Variants in TRIM2 observed in about 807,000 individuals in gnomAD.
TRIM2 encodes the protein tripartite motif-containing protein 2.
A neutral mutation model predicts 75.2 loss-of-function variants in TRIM2; 20 were observed. The observed-to-expected ratio is 0.27, with a 90% CI of 0.19 to 0.39. TRIM2 has a LOEUF of 0.39. Ranked by LOEUF, TRIM2 falls within the 10% of genes least tolerant of loss-of-function variation. TRIM2 has a pLI of 1.00. For missense variants in TRIM2, 660 were observed against 990.8 expected (o/e 0.67, Z 4.48); for synonymous variants, 373 against 388.3 (o/e 0.96, Z 0.46).
intron 8 of TRIM2, among the ~76,000 whole-genome samples, chr4:153,316,545 C>A (rs1363476872): frequency 6.6e-6 from 1 of 152,026 alleles, no homozygotes; most frequent in Non-Finnish European, 1.5e-5. Flanking sequence ...TTGATACAAT[C>A]TGAAAACATA....
chr4:153,238,745 T>C (rs140644342), intron 1 of TRIM2, among the ~76,000 whole-genome samples: 3 of 152,296 alleles, frequency 2.0e-5, no homozygotes, highest in Middle Eastern at 3.4e-3. Context: ...TGTGCTTAAA[T>C]GTCCTGTGAT....
At chr4:153,222,846 GGCGGCT>G (rs1263738529) in intron 1 of TRIM2, 1 of 153,088 alleles carries the variant, frequency 6.5e-6, no homozygotes, top group African/African-American at 2.4e-5. Flanking sequence ...GCTGCAGAAG[GGCGGCT>G]GCGGGGGAGG....
chr4:153,260,690 ACC>A (rs58510660), intron 1 of TRIM2, among the ~76,000 whole-genome samples: 2,219 of 34,510 alleles, frequency 0.064, 121 homozygotes, highest in African/African-American at 0.16. Context: ...CCACACACCC[ACC>A]CCCCCCCCCA....
chr4:153,176,613 T>TTTTTA (rs70949645), intron 1 of TRIM2, among the ~76,000 whole-genome samples: 55,446 of 151,326 alleles, frequency 0.37, 10,283 homozygotes, highest in East Asian at 0.45. Context: ...TTATTGCTTA[T>TTTTTA]TTTTATTTTA....
At chr4:153,179,232 AAAAT>A (rs756564203) in intron 1 of TRIM2, among the ~76,000 whole-genome samples, 40 of 151,406 alleles carry the variant, frequency 2.6e-4, no homozygotes, top group East Asian at 3.9e-4. Context: ...TTTTATTTTT[AAAAT>A]AAATAATGTT....
Position 153,219,343 on chromosome 4 carries a change from A to G in TRIM2, c.30+14783A>G, listed in dbSNP as rs1238129535. Among the ~76,000 whole-genome samples the G allele has an allele frequency of 1.3e-5, 2 of 152,158 alleles. 1 individual carries two copies. The highest frequency in any genetic ancestry group is 2.9e-5 in the Non-Finnish European group (2 of 68,018). ...TTCACCTTAGACTTCTGATCCCTCA[A>G]ATAATACTACTTAGTGCCTTTATGG... On this transcript the variant is annotated intron_variant, in intron 1 of 11. Coordinates refer to ENST00000338700, the MANE Select transcript of TRIM2 (RefSeq NM_015271.5).
At chr4:153,158,127 A>T (rs548208096) in intron 1 of TRIM2, among the ~76,000 whole-genome samples, 2 of 152,138 alleles carry the variant, frequency 1.3e-5, no homozygotes, top group Non-Finnish European at 2.9e-5. Context: ...TGACTACTTA[A>T]CGGAAGATCT....
chr4:153,200,282 C>A (rs1734202082), upstream of TRIM2, among the ~76,000 whole-genome samples: 1 of 152,088 alleles, frequency 6.6e-6, no homozygotes. Flanking sequence ...CCTGTGTTGC[C>A]CATAATCATA....
chr4:153,252,346 C>T (rs756936361), intron 1 of TRIM2, among the ~76,000 whole-genome samples: 1 of 152,158 alleles, frequency 6.6e-6, no homozygotes, highest in Non-Finnish European at 1.5e-5. Context: ...GAAAGAGGAA[C>T]GGTGCCAGCC....
At chr4:153,206,041 G>T (rs1296531588) in intron 1 of TRIM2, among the ~76,000 whole-genome samples, 1 of 152,232 alleles carries the variant, frequency 6.6e-6, no homozygotes, top group Admixed American at 6.5e-5. Flanking sequence ...GAAAGGACAG[G>T]TGTGCATCAT....
chr4:153,170,201 G>T (rs1730705018), intron 1 of TRIM2, among the ~76,000 whole-genome samples: 1 of 152,132 alleles, frequency 6.6e-6, no homozygotes, highest in Non-Finnish European at 1.5e-5. Context: ...ACAAGACAAG[G>T]TTTAATCAAC....
At chr4:153,155,568 A>G (rs1729155562) in intron 1 of TRIM2, among the ~76,000 whole-genome samples, 1 of 152,204 alleles carries the variant, frequency 6.6e-6, no homozygotes, top group Non-Finnish European at 1.5e-5. Flanking sequence ...GAGTAAGAGA[A>G]AACCAGATTT....
intron 6 of TRIM2, among the ~76,000 whole-genome samples, chr4:153,303,027 G>T (rs1419449035): frequency 6.6e-6 from 1 of 152,216 alleles, no homozygotes; most frequent in Non-Finnish European, 1.5e-5. Context: ...AGGTGACAAT[G>T]CATTCAGCTG....
chr4:153,270,623 C>G, intron 2 of TRIM2, 104 bp downstream of exon 2: 1 of 1,025,892 alleles, frequency 9.7e-7, no homozygotes, highest in Middle Eastern at 3.1e-4. Context: ...TGAGAGAAAA[C>G]TAATCTCTTG....
intron 1 of TRIM2, among the ~76,000 whole-genome samples, chr4:153,189,263 G>A (rs1051255981): frequency 1.3e-5 from 2 of 152,240 alleles, no homozygotes; most frequent in East Asian, 3.8e-4. Flanking sequence ...TCACTGCCAA[G>A]CAGGAAATCT....
chr4:153,269,380 G>A (rs953211714), intron 1 of TRIM2, among the ~76,000 whole-genome samples: 4 of 152,176 alleles, frequency 2.6e-5, no homozygotes, highest in African/African-American at 9.7e-5. Context: ...AGTCTTCAGT[G>A]TTTAAGAGAC....
At chr4:153,154,379 A>G (rs1729028008) in intron 1 of TRIM2, among the ~76,000 whole-genome samples, 1 of 152,242 alleles carries the variant, frequency 6.6e-6, no homozygotes, top group Admixed American at 6.5e-5. Context: ...TACCAGAGCC[A>G]GGACCCTGTG....
chr4:153,310,285 T>C (rs1765976397), intron 6 of TRIM2: 1 of 152,220 alleles, frequency 6.6e-6, no homozygotes, highest in South Asian at 2.1e-4. Context: ...TATATGTGTT[T>C]TGTGTTATTT....
chr4:153,299,380 A>C (rs1156296166), intron 6 of TRIM2, among the ~76,000 whole-genome samples: 1 of 151,788 alleles, frequency 6.6e-6, no homozygotes, highest in East Asian at 1.9e-4. Flanking sequence ...CACACAGTGA[A>C]AGACTGTGTA....
Sources: allele counts gnomAD v4.1 joint callset (sites outside exome capture counted in the v4.1 genomes callset), GRCh38; gene constraint gnomAD v4.1.1; transcripts MANE v1.5; gene names NCBI Gene and HGNC (gene_info 2026-07-23, HGNC 2026-07-21).